Variants in SYNM observed in about 807,000 individuals in gnomAD.
SYNM encodes synemin.
Under a neutral mutation model 104.0 loss-of-function variants are expected in SYNM, and 95 were observed. The observed-to-expected ratio is 0.91, with a 90% CI of 0.77 to 1.08. The LOEUF is 1.08. Ranked by LOEUF, SYNM falls within the 50% of genes least tolerant of loss-of-function variation. SYNM has a pLI of 0.00. For synonymous variants in SYNM, 918 were observed against 869.0 expected (o/e 1.06, Z -0.99); for missense variants, 2,150 against 2,052.2 (o/e 1.05, Z -0.92).
rs532656317 is a variant in SYNM at position 99,131,640 on chromosome 15, A to G, written c.3280A>G (p.Thr1094Ala). ...GGASHSSGQR[T>A]PQGPVSATVE... ...GGCCTCTCACAGCTCGGGACAGCGC[A>G]CTCCCCAGGGCCCAGTGTCGGCCAC... The change falls in exon 4 of 4, where the codon ACT (threonine) becomes GCT (alanine). Residue 1094 changes from threonine (T) to alanine (A), a missense_variant. Physicochemically the swap from Thr to Ala is moderately conservative, Grantham distance 58. Transcript: ENST00000336292. This position sits in a 1 kb window ranked among gnomAD's most constrained non-coding sequence, Gnocchi z 4.3. 1.4e-5 allele frequency: 23 copies of G among 1,611,004 alleles called. No individual in the cohort carries two copies. In the South Asian group the frequency reaches 2.3e-4, roughly 16 times the overall value.
chr15:99,105,864 A>G lies in SYNM; in HGVS notation c.665A>G (p.Gln222Arg). 1 of 1,541,784 alleles carries G rather than the reference A, an allele frequency of 6.5e-7. No homozygotes were observed. The stretch of plus-strand genomic sequence containing the variant: ...CGGCGCGGCCAGGAGAGCAGACTCC[A>G]GGCGGAGGAAGAGACGCGGCTGTGC... ...ALRRGQESRL[Q>R]AEEETRLCAQ... The change falls in exon 1 of 4, where the codon CAG becomes CGG. Residue 222 changes from glutamine to arginine, a missense_variant. Gln to Arg is a conservative substitution (Grantham distance 43). Coordinates refer to ENST00000336292, the MANE Select transcript of SYNM (RefSeq NM_145728.3).
Position 99,131,792 on chromosome 15 carries a change from A to G in SYNM, c.3432A>G (p.Gly1144=), listed in dbSNP as rs201652641. The G allele has an allele frequency of 1.1e-4, 172 of 1,613,830 alleles. No individual in the cohort carries two copies. Among genetic ancestry groups the G allele is most frequent in the Non-Finnish European group, 1.4e-4 (167 of 1,179,898 alleles). ...VWRTERMSYE[G]PTAEVVEVSA... is the part of the protein sequence containing the mutation. ...GGACTGAGCGAATGTCATATGAAGG[A>G]CCCACTGCAGAAGTGGTGGAGGTAA... The change falls in exon 4 of 4, where the codon GGA becomes GGG. Residue 1144 remains glycine (G), a synonymous_variant. Coordinates refer to ENST00000336292, the MANE Select transcript of SYNM (RefSeq NM_145728.3). This position sits in a 1 kb window ranked among gnomAD's most constrained non-coding sequence, Gnocchi z 4.3.
At chr15:99,109,885 T>G (rs1469005018) in intron 1 of SYNM, among the ~76,000 whole-genome samples, 2 of 152,164 alleles carry the variant, frequency 1.3e-5, no homozygotes, top group African/African-American at 4.8e-5. Context: ...CTGCAGGACT[T>G]GGGCATTTAC....
downstream of SYNM, chr15:99,138,097 C>T (rs782084812): frequency 1.9e-6 from 3 of 1,613,256 alleles, no homozygotes; most frequent in South Asian, 3.3e-5. Context: ...CTTTTGATGC[C>T]TGCCTTGGCT....
rs1485338219 is a variant in SYNM at position 99,109,260 on chromosome 15, C to T, written c.810+3251C>T. 4.0e-4 allele frequency among the ~76,000 whole-genome samples: 61 copies of T among 152,164 alleles called. 2 individuals are homozygous for T. The highest frequency in any genetic ancestry group is 3.9e-3 in the Admixed American group (60 of 15,284). On this transcript the variant is annotated intron_variant, in intron 1 of 3. Coordinates refer to ENST00000336292, the MANE Select transcript of SYNM (RefSeq NM_145728.3). ...TTTGCTGAACTGACATCCAAGTTCCCAAATGTGATCTAGATCACTTGAAGC... is the reference window on the plus strand; with the variant it reads ...TTTGCTGAACTGACATCCAAGTTCCTAAATGTGATCTAGATCACTTGAAGC...
At chr15:99,139,806 A>G (rs2068017074), downstream of SYNM, 1 of 1,210,968 alleles carries the variant, frequency 8.3e-7, no homozygotes, top group African/African-American at 1.6e-5. Flanking sequence ...ACTTTTATTA[A>G]TATATAGGCT....
At chr15:99,112,560 T>G (rs1555483497) in intron 1 of SYNM, among the ~76,000 whole-genome samples, 1 of 152,198 alleles carries the variant, frequency 6.6e-6, no homozygotes, top group African/African-American at 2.4e-5. Flanking sequence ...GGCACTGGTC[T>G]AGGTCTGGGA....
At chr15:99,140,226 TGGGTAC>T (rs1451328546), downstream of SYNM, 1 of 154,846 alleles carries the variant, frequency 6.5e-6, no homozygotes, top group Non-Finnish European at 1.4e-5. Context: ...AGTCAATAAA[TGGGTAC>T]TGGGACCGCT....
chr15:99,130,320 C>A lies in SYNM; in HGVS notation c.1960C>A (p.Pro654Thr). ...TATCCTGAAGCAGTTCACTCAGTCT[C>A]CAGAGACAGAAGCATCTGCTGATTC... is the stretch of plus-strand genomic sequence containing the variant. ...TSILKQFTQS[P>T]ETEASADSFP... is the part of the protein sequence containing the mutation. The change falls in exon 4 of 4, where the codon CCA becomes ACA. Residue 654 changes from proline (P) to threonine (T), a missense_variant. Physicochemically the swap from Pro to Thr is conservative, Grantham distance 38 (BLOSUM62 -1). Coordinates refer to ENST00000336292, the MANE Select transcript of SYNM (RefSeq NM_145728.3). 6.2e-7 allele frequency: 1 copy of A among 1,613,798 alleles called. No homozygotes were observed. Among genetic ancestry groups the A allele is most frequent in the South Asian group, 1.1e-5 (1 of 91,028 alleles).
chr15:99,121,652 G>A lies in SYNM; in HGVS notation c.936-5070G>A, dbSNP rs1421078198. 3.9e-5 allele frequency among the ~76,000 whole-genome samples: 6 copies of A among 152,222 alleles called. No individual in the cohort carries two copies. In the East Asian group the frequency reaches 1.2e-3, roughly 29 times the overall value. The stretch of plus-strand genomic sequence containing the variant: ...AGACCTGGTCCAGATCCTACAGAGT[G>A]AGGACGTGCAGAAGCACAGATAGAA... On this transcript the variant is annotated intron_variant, in intron 2 of 3. Transcript: ENST00000336292.
chr15:99,106,244 G>A (rs868948500), intron 1 of SYNM, among the ~76,000 whole-genome samples: 1 of 152,212 alleles, frequency 6.6e-6, no homozygotes, highest in African/African-American at 2.4e-5. Context: ...TCCTCGTCAT[G>A]GGGTTAGGTG....
chr15:99,105,905 G>T lies in SYNM; in HGVS notation c.706G>T (p.Ala236Ser). The change falls in exon 1 of 4, where the codon GCG becomes TCG. Residue 236 changes from alanine (A) to serine (S), a missense_variant. Ala to Ser is a moderately conservative substitution (Grantham distance 99). Coordinates refer to ENST00000336292, the MANE Select transcript of SYNM (RefSeq NM_145728.3). ...ETRLCAQEAE[A>S]LRREALGLEQ... ...GCGGCTGTGCGCGCAGGAGGCAGAG[G>T]CGCTGCGGCGCGAGGCGCTCGGGTT... The T allele has an allele frequency of 6.5e-7, 1 of 1,534,062 alleles. No individual in the cohort carries two copies. The highest frequency in any genetic ancestry group is 1.4e-5 in the African/African-American group (1 of 72,122).
chr15:99,106,697 A>T (rs2067248017), intron 1 of SYNM, among the ~76,000 whole-genome samples: 1 of 152,244 alleles, frequency 6.6e-6, no homozygotes, highest in Non-Finnish European at 1.5e-5. Context: ...GCAGAGTGAT[A>T]TAAACAGTTA....
At chr15:99,135,604 A>G (rs2067564075), downstream of SYNM, 1 of 152,684 alleles carries the variant, frequency 6.5e-6, no homozygotes, top group South Asian at 2.1e-4. Context: ...CATTGTTCCT[A>G]AAGAGAATGA....
chr15:99,105,812 G>T lies in SYNM; in HGVS notation c.613G>T (p.Glu205Ter), dbSNP rs1555482606. Residue 205 changes from glutamate to a stop codon, truncating the protein, a stop_gained, in exon 1 of 4, where the codon GAG becomes TAG. Coordinates refer to ENST00000336292, the MANE Select transcript of SYNM (RefSeq NM_145728.3). LOFTEE classifies it high-confidence loss of function. ...WRETVQLYED[E>*]VRELEEALRR... ...GGAGACGGTGCAGCTGTACGAGGAC[G>T]AGGTGCGCGAGCTGGAGGAGGCGCT... is the stretch of plus-strand genomic sequence containing the variant. 1.3e-6 allele frequency: 2 copies of T among 1,542,048 alleles called. No homozygotes were observed. Among genetic ancestry groups the T allele is most frequent in the Admixed American group, 2.0e-5 (1 of 50,788 alleles).
chr15:99,139,352 A>G, downstream of SYNM: 1 of 1,613,998 alleles, frequency 6.2e-7, no homozygotes, highest in South Asian at 1.1e-5. Context: ...GGGTGGCCAG[A>G]GTCCTTTTGT....
intron 1 of SYNM, among the ~76,000 whole-genome samples, chr15:99,108,455 GA>G (rs1280605133): frequency 2.0e-5 from 3 of 152,150 alleles, no homozygotes; most frequent in African/African-American, 7.2e-5. Context: ...AGGGAGTATG[GA>G]TGATTTAACC....
rs2067490266 is a variant in SYNM at position 99,130,500 on chromosome 15, G to A, written c.2140G>A (p.Glu714Lys). The A allele has an allele frequency of 1.2e-6, 2 of 1,613,948 alleles. No individual in the cohort carries two copies. The highest frequency in any genetic ancestry group is 1.7e-6 in the Non-Finnish European group (2 of 1,179,902). ...CTACCTTTTAAGCAAGGATATTAAG[G>A]AAGTGGGGCTGAAAGGCAAGTCAGC... ...LDYLLSKDIK[E>K]VGLKGKSAEQ... The change falls in exon 4 of 4, where the codon GAA becomes AAA. Residue 714 changes from glutamate (E) to lysine (K), a missense_variant. Physicochemically the swap from Glu to Lys is moderately conservative, Grantham distance 56. Transcript: ENST00000336292.
Position 99,129,584 on chromosome 15 carries a change from T to C in SYNM, c.1224T>C (p.Thr408=). 6.2e-7 allele frequency: 1 copy of C among 1,613,924 alleles called. No homozygotes were observed. Among genetic ancestry groups the C allele is most frequent in the Non-Finnish European group, 8.5e-7 (1 of 1,179,874 alleles). The stretch of plus-strand genomic sequence containing the variant: ...GCTCGGGATATTCTTCCTCGGCCAC[T>C]ACCCAGCAGGAAAACTCATACGGAA... ...FLGSGYSSSA[T]TQQENSYGKA... The change falls in exon 4 of 4, where the codon ACT becomes ACC. Residue 408 remains threonine (T), a synonymous_variant. Coordinates refer to ENST00000336292, the MANE Select transcript of SYNM (RefSeq NM_145728.3).
Sources: gnomAD v4.1 joint callset for allele counts (sites outside exome capture counted in the v4.1 genomes callset) on GRCh38, gnomAD v4.1.1 for gene constraint, Gnocchi (gnomAD v3.1) non-coding constraint, MANE v1.5 for transcripts, NCBI Gene and HGNC (gene_info 2026-07-23, HGNC 2026-07-21) for gene names.